The following REEP1 variants were observed in gnomAD, a reference collection of about 807,000 sequenced individuals.
The protein encoded by REEP1 is receptor expression-enhancing protein 1.
REEP1 carries 22 observed loss-of-function variants against 40.3 expected under a neutral mutation model. The ratio of observed to expected loss-of-function variants is 0.55; its 90% CI spans 0.39 to 0.78. The LOEUF is 0.78. Ranked by LOEUF, REEP1 falls within the 30% of genes least tolerant of loss-of-function variation. The pLI is 0.00. For synonymous variants in REEP1, 116 were observed against 139.2 expected (o/e 0.83, Z 1.17); for missense variants, 280 against 361.1 (o/e 0.78, Z 1.82).
In REEP1 at chr2:86,232,810, C is replaced by T. The variant is rs1227067164; in HGVS notation, c.418-8G>A. 4 of 1,599,330 alleles carry T rather than the reference C, an allele frequency of 2.5e-6. No homozygotes were observed. In the South Asian group the frequency reaches 4.4e-5, roughly 18 times the overall value. On this transcript the variant is annotated splice_polypyrimidine_tract_variant and splice_region_variant and intron_variant, in intron 5 of 8. Coordinates refer to ENST00000538924, the MANE Select transcript of REEP1 (RefSeq NM_001371279.1). ...CGATAAGGCACCCTGTCCCTGGATA[C>T]AACACAGGAGGGGCACACGTCAGAG...
At chr2:86,289,752 T>C (rs1327395439) in intron 1 of REEP1, among the ~76,000 whole-genome samples, 1 of 152,174 alleles carries the variant, frequency 6.6e-6, no homozygotes, top group African/African-American at 2.4e-5. Flanking sequence ...CTTGTACATG[T>C]TTTGTCTTAC....
At chr2:86,330,432 T>G (rs1680714212) in intron 1 of REEP1, among the ~76,000 whole-genome samples, 1 of 146,376 alleles carries the variant, frequency 6.8e-6, no homozygotes, top group South Asian at 2.1e-4. Context: ...TGTGTGTGTG[T>G]GTGTGTGTGT....
intron 5 of REEP1, among the ~76,000 whole-genome samples, chr2:86,242,671 G>A (rs1304068669): frequency 1.3e-5 from 2 of 152,198 alleles, no homozygotes; most frequent in Non-Finnish European, 2.9e-5. Context: ...AGGCAGTTCT[G>A]TGAATGCAGT....
chr2:86,295,760 C>G (rs950709004), intron 1 of REEP1, among the ~76,000 whole-genome samples: 1 of 152,174 alleles, frequency 6.6e-6, no homozygotes, highest in Non-Finnish European at 1.5e-5. Context: ...AGGATGGTCT[C>G]GATCTCCTGA....
intron 1 of REEP1, among the ~76,000 whole-genome samples, chr2:86,309,962 A>T (rs1679682217): frequency 6.6e-6 from 1 of 152,154 alleles, no homozygotes; most frequent in South Asian, 2.1e-4. Flanking sequence ...AACCAGCCAT[A>T]GCCAAGTGGA....
chr2:86,334,922 T>C (rs1680942855), intron 1 of REEP1, among the ~76,000 whole-genome samples: 1 of 152,202 alleles, frequency 6.6e-6, no homozygotes, highest in Admixed American at 6.5e-5. Context: ...TGAGGTTAAC[T>C]AGCTGTGGAC....
At chr2:86,314,523 C>G (rs1320760251) in intron 1 of REEP1, among the ~76,000 whole-genome samples, 1 of 151,722 alleles carries the variant, frequency 6.6e-6, no homozygotes, top group Non-Finnish European at 1.5e-5. Flanking sequence ...CAGGGCTAGA[C>G]TGTTACAAAA....
chr2:86,335,363 C>G (rs1680963137), intron 1 of REEP1, among the ~76,000 whole-genome samples: 1 of 152,118 alleles, frequency 6.6e-6, no homozygotes, highest in Admixed American at 6.6e-5. Flanking sequence ...TATCCCTGAC[C>G]TTTTGGACTT....
chr2:86,268,272 T>G (rs1677249190), intron 2 of REEP1, among the ~76,000 whole-genome samples: 1 of 152,168 alleles, frequency 6.6e-6, no homozygotes, highest in Admixed American at 6.5e-5. Context: ...AAAATCCTCC[T>G]GGGATTAATA....
intron 2 of REEP1, among the ~76,000 whole-genome samples, chr2:86,270,949 T>C (rs1002157619): frequency 1.1e-4 from 17 of 152,086 alleles, no homozygotes; most frequent in Non-Finnish European, 1.3e-4. Context: ...GGGAACACTT[T>C]GGGAGGCTGA....
At chr2:86,328,657 G>A (rs565047733) in intron 1 of REEP1, among the ~76,000 whole-genome samples, 3 of 152,192 alleles carry the variant, frequency 2.0e-5, no homozygotes, top group Non-Finnish European at 4.4e-5. Flanking sequence ...CCAGCCTGGC[G>A]ACAGAGTAAG....
intron 1 of REEP1, among the ~76,000 whole-genome samples, chr2:86,292,837 C>T (rs1678796300): frequency 1.3e-5 from 2 of 152,134 alleles, no homozygotes; most frequent in East Asian, 1.9e-4. Context: ...GTGCCCTCCT[C>T]GCTCTCACAC....
At chr2:86,277,347 G>C (rs1677815774) in intron 2 of REEP1, among the ~76,000 whole-genome samples, 1 of 152,056 alleles carries the variant, frequency 6.6e-6, no homozygotes, top group Admixed American at 6.6e-5. Context: ...CCTGAGGTCA[G>C]GAGTTCAAGA....
Position 86,294,973 on chromosome 2 carries a change from T to G in REEP1, c.33-12731A>C, listed in dbSNP as rs372973002. Among the ~76,000 whole-genome samples the G allele has an allele frequency of 3.9e-5, 6 of 152,066 alleles. No homozygotes were observed. The East Asian group carries it at 9.6e-4, about 24-fold the overall frequency. ...CCTGCCCACAGAAGAACAAGGATTG[T>G]GTGAAACAAAGGATGTTTGGCTCAG... On this transcript the variant is annotated intron_variant, in intron 1 of 8. Transcript: ENST00000538924.
Position 86,215,492 on chromosome 2 carries a change from ATAAC to A in REEP1, c.*1543_*1546del, listed in dbSNP as rs1558861048. On this transcript the variant is annotated 3_prime_UTR_variant, in exon 9 of 9. Transcript: ENST00000538924. ...ACTGACAGTAAGTTCTATATGGTAT[ATAAC>A]ACTAATTCTCTAGTCTTCTGGGCAT... is the stretch of plus-strand genomic sequence containing the variant. The A allele has an allele frequency of 6.6e-6, 1 of 152,638 alleles. No individual in the cohort carries two copies. Among genetic ancestry groups the A allele is most frequent in the Admixed American group, 6.5e-5 (1 of 15,272 alleles). The allele number at this position is 152,638 out of a possible 1,614,324, so 9.5% of individuals were successfully genotyped here. A position where few individuals can be genotyped will look rare whatever the true frequency, so the allele number is the denominator to read the frequency against.
intron 2 of REEP1, among the ~76,000 whole-genome samples, chr2:86,280,641 A>G (rs1678031718): frequency 6.6e-6 from 1 of 152,160 alleles, no homozygotes; most frequent in South Asian, 2.1e-4. Context: ...TTTAACAGCT[A>G]TTTATAGCGT....
chr2:86,217,230 A>G (rs548167536), intron 8 of REEP1, 120 bp from the exon 9 acceptor site: 14 of 807,210 alleles, frequency 1.7e-5, no homozygotes, highest in Non-Finnish European at 3.0e-5. Flanking sequence ...GCAGCTGGCT[A>G]GGGCTGGGGT....
intron 1 of REEP1, among the ~76,000 whole-genome samples, chr2:86,283,866 C>A (rs2104401821): frequency 6.6e-6 from 1 of 152,202 alleles, no homozygotes; most frequent in Non-Finnish European, 1.5e-5. Flanking sequence ...CCCAGCCAGG[C>A]CAGCCTCCTC....
intron 2 of REEP1, among the ~76,000 whole-genome samples, chr2:86,266,436 G>A (rs1677136687): frequency 6.6e-6 from 1 of 150,990 alleles, no homozygotes; most frequent in Non-Finnish European, 1.5e-5. Context: ...TGGCTAACAA[G>A]GTGAAACCCC....
Sources: allele counts gnomAD v4.1 joint callset (sites outside exome capture counted in the v4.1 genomes callset), GRCh38; gene constraint gnomAD v4.1.1; transcripts MANE v1.5; gene names NCBI Gene and HGNC (gene_info 2026-07-23, HGNC 2026-07-21).